Variants in CASKIN1 observed in about 807,000 individuals in gnomAD.
CASKIN1 encodes caskin-1.
A neutral mutation model predicts 117.5 loss-of-function variants in CASKIN1; 42 were observed. That is an observed-to-expected ratio of 0.36 (90% CI 0.28 to 0.46). CASKIN1 has a LOEUF of 0.46. Ranked by LOEUF, CASKIN1 falls within the 20% of genes least tolerant of loss-of-function variation. The pLI, the probability that CASKIN1 is intolerant of heterozygous loss-of-function variation, is 1.00. For missense variants in CASKIN1, 2,083 were observed against 2,077.3 expected, an observed-to-expected ratio of 1.00 and a Z score of -0.05; for synonymous variants, 1,148 against 961.7, an observed-to-expected ratio of 1.19 and a Z score of -3.59.
chr16:2,177,416 T>G lies in CASKIN1; in HGVS notation c.*1134A>C, dbSNP rs1229015098. On this transcript the variant is annotated 3_prime_UTR_variant, in exon 20 of 20. Transcript: ENST00000343516. The stretch of plus-strand genomic sequence containing the variant: ...CACCACAATCGCTGGTTTTCGGCAT[T>G]TTTTAAATTTTTTTTTTAAGAAACG... 8.6e-6 allele frequency: 2 copies of G among 232,348 alleles called. No individual in the cohort carries two copies. The highest frequency in any genetic ancestry group is 4.4e-5 in the African/African-American group (2 of 45,184). The allele number at this position is 232,348 out of a possible 1,614,324, so 14.4% of individuals were successfully genotyped here. A position where few individuals can be genotyped will look rare whatever the true frequency, so the allele number is the denominator to read the frequency against.
intron 14 of CASKIN1, 152 bp from the exon 15 acceptor site, chr16:2,184,093 G>A (rs932344744): frequency 8.6e-6 from 5 of 579,988 alleles, no homozygotes; most frequent in Admixed American, 3.2e-5. Flanking sequence ...AGCCTGGCCC[G>A]TGAGTGATCC....
intron 17 of CASKIN1, 51 bp downstream of exon 17, chr16:2,181,740 G>T: frequency 6.3e-7 from 1 of 1,591,044 alleles, no homozygotes; most frequent in Non-Finnish European, 8.5e-7. Flanking sequence ...TGGTGGCTGG[G>T]GCTTGGGCTG....
chr16:2,193,353 A>G (rs1431570987), intron 1 of CASKIN1, among the ~76,000 whole-genome samples: 3 of 152,244 alleles, frequency 2.0e-5, no homozygotes, highest in South Asian at 4.2e-4. Flanking sequence ...CCCTGCGTTT[A>G]CATTTTGCAT....
Position 2,181,781 on chromosome 16 carries a change from G to A in CASKIN1, c.1768+10C>T. 4 of 1,612,056 alleles carry A rather than the reference G, an allele frequency of 2.5e-6. No homozygotes were observed. Among genetic ancestry groups the A allele is most frequent in the Non-Finnish European group, 3.4e-6 (4 of 1,179,346 alleles). On this transcript the variant is annotated intron_variant, in intron 17 of 19. Transcript: ENST00000343516. The stretch of plus-strand genomic sequence containing the variant: ...TGGGCTGGGGACGAGGGCTGGGGCT[G>A]GGGCCTCACCCAGCTTGGTGATGCC...
At position 2,178,088 on chromosome 16, in the gene CASKIN1, G is replaced by C; in HGVS notation, c.*462C>G. 2.0e-6 allele frequency: 1 copy of C among 495,606 alleles called. No homozygotes were observed. Among genetic ancestry groups the C allele is most frequent in the African/African-American group, 2.0e-5 (1 of 50,928 alleles). The allele number at this position is 495,606 out of a possible 1,614,324, so 30.7% of individuals were successfully genotyped here. On this transcript the variant is annotated 3_prime_UTR_variant, in exon 20 of 20. Coordinates refer to ENST00000343516, the MANE Select transcript of CASKIN1 (RefSeq NM_020764.4). Reference sequence around the variant, plus strand: ...CCTTTTTGTTTCTCTGGGGAAATCCGCCTCAGCTCATTCCCAATAAATTAA... The same window carrying C: ...CCTTTTTGTTTCTCTGGGGAAATCCCCCTCAGCTCATTCCCAATAAATTAA...
chr16:2,192,717 T>C (rs752935602), intron 1 of CASKIN1, among the ~76,000 whole-genome samples: 12 of 152,202 alleles, frequency 7.9e-5, no homozygotes, highest in Admixed American at 5.9e-4. Context: ...TGCCTGGCTC[T>C]GCAGCCCTCG....
In CASKIN1 at chr16:2,180,807, G is replaced by T. The variant is rs925880767; in HGVS notation, c.2561C>A (p.Pro854Gln). 2.1e-6 allele frequency: 3 copies of T among 1,398,146 alleles called. No individual in the cohort carries two copies. The highest frequency in any genetic ancestry group is 3.5e-5 in the Admixed American group (1 of 28,868). 86.6% of individuals were successfully genotyped at this position (1,398,146 alleles called of 1,614,324 possible). Residue 854 changes from proline to glutamine, a missense_variant, in exon 18 of 20, where the codon CCA (proline) becomes CAA (glutamine). Transcript: ENST00000343516. ...VGPAAPGPAP[P>Q]PVPTAVPTLC... Reference sequence around the variant, plus strand: ...TGTGGGCACAGCCGTCGGCACGGGTGGGGGCGCAGGCCCCGGGGCAGCCGG... The same window carrying T: ...TGTGGGCACAGCCGTCGGCACGGGTTGGGGCGCAGGCCCCGGGGCAGCCGG...
chr16:2,189,390 C>A (rs1389562172), intron 4 of CASKIN1, 29 bp downstream of exon 4: 1 of 1,609,868 alleles, frequency 6.2e-7, no homozygotes, highest in South Asian at 1.1e-5. Context: ...TGCCCCGCCC[C>A]CGCTGCCCCG....
At chr16:2,191,511 T>C (rs1031375326) in intron 1 of CASKIN1, among the ~76,000 whole-genome samples, 9 of 152,214 alleles carry the variant, frequency 5.9e-5, no homozygotes, top group African/African-American at 2.2e-4. Flanking sequence ...CCCGGAGGTG[T>C]GAGAGCATTC....
At chr16:2,187,755 G>A (rs1004670552) in intron 6 of CASKIN1, among the ~76,000 whole-genome samples, 1 of 152,104 alleles carries the variant, frequency 6.6e-6, no homozygotes, top group Non-Finnish European at 1.5e-5. Flanking sequence ...CGGAGTAGCT[G>A]GGATCACAGG....
At chr16:2,191,362 G>A (rs1039629543) in intron 1 of CASKIN1, among the ~76,000 whole-genome samples, 2 of 152,174 alleles carry the variant, frequency 1.3e-5, no homozygotes, top group Non-Finnish European at 2.9e-5. Context: ...CACAGGGTGC[G>A]GGTCCCCTGA....
Position 2,179,035 on chromosome 16 carries a change from G to A in CASKIN1, c.4066C>T (p.Pro1356Ser), listed in dbSNP as rs920390613. The change falls in exon 19 of 20, where the codon CCC (proline) becomes TCC (serine). Residue 1356 changes from proline to serine, a missense_variant. This residue lies in a region of CASKIN1 where 1,818 missense variants were observed against 1,688.9 expected (regional missense o/e 1.08). Transcript: ENST00000343516. The surrounding 1 kb of genome is among the most constrained non-coding windows in gnomAD (Gnocchi z 5.8). ...GAGGCGCCTTCGGGCGGGGCGGGGGGCGCGGCGGCGGCGGCGGCGGCGGCG... is the reference window on the plus strand; with the variant it reads ...GAGGCGCCTTCGGGCGGGGCGGGGGACGCGGCGGCGGCGGCGGCGGCGGCG... ...AAAAAAAAAA[P>S]PAPPEGASPG... The A allele has an allele frequency of 2.7e-6, 3 of 1,124,618 alleles. No individual in the cohort carries two copies. Among genetic ancestry groups the A allele is most frequent in the Non-Finnish European group, 2.2e-6 (2 of 920,180 alleles). 69.7% of individuals were successfully genotyped at this position (1,124,618 alleles called of 1,614,324 possible). A position where few individuals can be genotyped will look rare whatever the true frequency, so the allele number is the denominator to read the frequency against.
Position 2,196,349 on chromosome 16 carries a change from G to A in CASKIN1, c.84C>T (p.Pro28=). The A allele has an allele frequency of 5.4e-6, 7 of 1,302,248 alleles. No individual in the cohort carries two copies. Among genetic ancestry groups the A allele is most frequent in the South Asian group, 5.1e-5 (3 of 58,472 alleles). 80.7% of individuals were successfully genotyped at this position (1,302,248 alleles called of 1,614,324 possible). The part of the protein sequence containing the change: ...TAQRLLQRPR[P]GKAKLLGSTK... ...GCCCCCGGCACTCACTGGCCTTCCC[G>A]GGCCGCGGCCTCTGCAGCAGCCTCT... The change falls in exon 1 of 20, where the codon CCC becomes CCT. Residue 28 remains proline (P), a synonymous_variant. Coordinates refer to ENST00000343516, the MANE Select transcript of CASKIN1 (RefSeq NM_020764.4). The surrounding 1 kb of genome is among the most constrained non-coding windows in gnomAD (Gnocchi z 5.7).
chr16:2,181,266 C>G lies in CASKIN1; in HGVS notation c.2102G>C (p.Arg701Pro), dbSNP rs761345684. 1.9e-6 allele frequency: 3 copies of G among 1,600,606 alleles called. No individual in the cohort carries two copies. The highest frequency in any genetic ancestry group is 1.1e-5 in the South Asian group (1 of 90,734). Residue 701 changes from arginine to proline, a missense_variant, in exon 18 of 20, where the codon CGG becomes CCG. Physicochemically the swap from Arg to Pro is moderately radical, Grantham distance 103 (BLOSUM62 -2). Coordinates refer to ENST00000343516, the MANE Select transcript of CASKIN1 (RefSeq NM_020764.4). The part of the protein sequence containing the change: ...RQDSSLGGRA[R>P]HMSSSQELLG... ...CAGCTCCTGCGAGCTGCTCATGTGC[C>G]GTGCCCGACCACCCAGGCTGGAGTC...
chr16:2,179,785 G>T lies in CASKIN1; in HGVS notation c.3583C>A (p.Pro1195Thr), dbSNP rs781724084. 3 of 1,570,594 alleles carry T rather than the reference G, an allele frequency of 1.9e-6. No homozygotes were observed. Among genetic ancestry groups the T allele is most frequent in the Non-Finnish European group, 2.6e-6 (3 of 1,162,228 alleles). Residue 1195 changes from proline (P) to threonine (T), a missense_variant, in exon 18 of 20, where the codon CCC becomes ACC. Coordinates refer to ENST00000343516, the MANE Select transcript of CASKIN1 (RefSeq NM_020764.4). The surrounding 1 kb of genome is among the most constrained non-coding windows in gnomAD (Gnocchi z 5.8). ...QAGPPELPPP[P>T]PPAEPPPTDL... Reference sequence around the variant, plus strand: ...GTGGGCGGGGGTTCGGCAGGCGGGGGCGGTGGAGGCAGCTCCGGAGGCCCA... The same window carrying T: ...GTGGGCGGGGGTTCGGCAGGCGGGGTCGGTGGAGGCAGCTCCGGAGGCCCA...
rs1359866052 is a variant in CASKIN1, at chr16:2,178,414, G to T, written c.*136C>A. The T allele has an allele frequency of 5.0e-6, 3 of 596,142 alleles. No individual in the cohort carries two copies. Among genetic ancestry groups the T allele is most frequent in the Non-Finnish European group, 7.9e-6 (3 of 379,858 alleles). 36.9% of individuals were successfully genotyped at this position (596,142 alleles called of 1,614,324 possible). On this transcript the variant is annotated 3_prime_UTR_variant, in exon 20 of 20. Coordinates refer to ENST00000343516, the MANE Select transcript of CASKIN1 (RefSeq NM_020764.4). ...GGTCCCCGGTGGGCGCCCCGGCCCG[G>T]GTCCAGGGGCCGGAGTTGTGCTTCT...
chr16:2,180,037 C>T lies in CASKIN1; in HGVS notation c.3331G>A (p.Glu1111Lys). 3 of 1,582,416 alleles carry T rather than the reference C, an allele frequency of 1.9e-6. No individual in the cohort carries two copies. The highest frequency in any genetic ancestry group is 1.7e-6 in the Non-Finnish European group (2 of 1,163,690). The part of the protein sequence containing the change: ...RGPSKGEAGV[E>K]GPPLAKVEAS... Reference sequence around the variant, plus strand: ...TCCACCTTGGCCAAGGGCGGGCCTTCGACACCCGCCTCGCCCTTGGAGGGA... The same window carrying T: ...TCCACCTTGGCCAAGGGCGGGCCTTTGACACCCGCCTCGCCCTTGGAGGGA... The change falls in exon 18 of 20, where the codon GAA (glutamate) becomes AAA (lysine). Residue 1111 changes from glutamate (E) to lysine (K), a missense_variant. Physicochemically the swap from Glu to Lys is moderately conservative, Grantham distance 56 (BLOSUM62 1). This residue lies in a region of CASKIN1 where 1,818 missense variants were observed against 1,688.9 expected (regional missense o/e 1.08). Transcript: ENST00000343516.
Position 2,196,258 on chromosome 16 carries a change from C to T in CASKIN1, c.94+81G>A. 1 of 531,044 alleles carries T rather than the reference C, an allele frequency of 1.9e-6. No individual in the cohort carries two copies. Among genetic ancestry groups the T allele is most frequent in the Non-Finnish European group, 2.6e-6 (1 of 383,718 alleles). The allele number at this position is 531,044 out of a possible 1,614,324, so 32.9% of individuals were successfully genotyped here. ...CGGGGACCCGACAACGTCCCCTCCC[C>T]GCCCGGCGCCGGGTGGGGGGCTCCG... On this transcript the variant is annotated intron_variant, in intron 1 of 19. Coordinates refer to ENST00000343516, the MANE Select transcript of CASKIN1 (RefSeq NM_020764.4). This position sits in a 1 kb window ranked among gnomAD's most constrained non-coding sequence, Gnocchi z 5.7.
In CASKIN1 at chr16:2,180,243, G is replaced by A; in HGVS notation, c.3125C>T (p.Thr1042Ile). ...PASPEPGRVA[T>I]VLASVKHKEA... is the part of the protein sequence containing the mutation. ...TTTGTGTTTCACTGAGGCCAGCACG[G>A]TGGCCACCCGGCCCGGCTCTGGGCT... The change falls in exon 18 of 20, where the codon ACC becomes ATC. Residue 1042 changes from threonine to isoleucine, a missense_variant. Transcript: ENST00000343516. The A allele has an allele frequency of 6.4e-7, 1 of 1,553,848 alleles. No homozygotes were observed. The highest frequency in any genetic ancestry group is 8.7e-7 in the Non-Finnish European group (1 of 1,150,000).
Sources: allele counts gnomAD v4.1 joint callset (sites outside exome capture counted in the v4.1 genomes callset), GRCh38; gene constraint gnomAD v4.1.1; regional missense constraint gnomAD v4.1.1; non-coding constraint Gnocchi (gnomAD v3.1); transcripts MANE v1.5; gene names NCBI Gene and HGNC (gene_info 2026-07-23, HGNC 2026-07-21).